TANC2: variants seen among roughly 807,000 people sequenced by gnomAD.
The protein encoded by TANC2 is tetratricopeptide repeat, ankyrin repeat and coiled-coil containing 2.
In TANC2, 26 loss-of-function variants were observed where a neutral mutation model predicts 210.5. The ratio of observed to expected loss-of-function variants is 0.12; its 90% CI spans 0.09 to 0.17. TANC2 has a LOEUF of 0.17. Among genes scored for constraint, TANC2 ranks in the 10% least tolerant of loss-of-function variants. The pLI, the probability that TANC2 is intolerant of heterozygous loss-of-function variation, is 1.00. For missense variants in TANC2, 2,129 were observed against 2,608.9 expected (o/e 0.82, Z 4.01); for synonymous variants, 931 against 967.1 (o/e 0.96, Z 0.69).
intron 5 of TANC2, chr17:63,153,609 T>G (rs1208577395): frequency 2.0e-5 from 3 of 151,894 alleles, no homozygotes; most frequent in Admixed American, 6.6e-5. Flanking sequence ...AGCTGCTGTT[T>G]GAGATTCTAT....
exon 6 of TANC2, chr17:63,194,022 A>C (rs773770753): frequency 6.2e-7 from 1 of 1,613,226 alleles, no homozygotes; most frequent in South Asian, 1.1e-5. Flanking sequence ...GCCCCCCTCC[A>C]TCTGTAGATG....
At chr17:63,312,538 C>T (rs965458248) in intron 9 of TANC2, among the ~76,000 whole-genome samples, 3 of 151,922 alleles carry the variant, frequency 2.0e-5, no homozygotes, top group East Asian at 1.9e-4. Context: ...GGCTCATTGA[C>T]GTAAAGATGG....
rs1402747266 is a variant in TANC2, at chr17:63,202,808, T to C, written c.769+1851T>C. Among the ~76,000 whole-genome samples the C allele has an allele frequency of 5.9e-5, 9 of 152,150 alleles. 1 individual carries two copies. The highest frequency in any genetic ancestry group is 1.9e-4 in the African/African-American group (8 of 41,422). ...CCATTTCATTGCAGCCATACTATTA[T>C]ATTTATATAAGTCCTTGAATATTAA... On this transcript the variant is annotated intron_variant, in intron 7 of 27. Coordinates refer to ENST00000689528, the Ensembl canonical transcript of TANC2.
chr17:62,976,910 A>C (rs973816424), intron 1 of TANC2, among the ~76,000 whole-genome samples: 3 of 152,138 alleles, frequency 2.0e-5, no homozygotes, highest in Non-Finnish European at 4.4e-5. Context: ...GCCTCTTTTA[A>C]AAAGTTCCAA....
intron 5 of TANC2, among the ~76,000 whole-genome samples, chr17:63,191,103 G>A (rs1182370440): frequency 6.6e-6 from 1 of 151,910 alleles, no homozygotes; most frequent in Non-Finnish European, 1.5e-5. Context: ...CAAGTGGGAA[G>A]TAGAAATGAA....
chr17:62,978,018 A>G (rs1420383989), intron 1 of TANC2, among the ~76,000 whole-genome samples: 1 of 152,168 alleles, frequency 6.6e-6, no homozygotes, highest in African/African-American at 2.4e-5. Flanking sequence ...CAGTTCAGTA[A>G]ATGGAACTCT....
chr17:63,275,991 T>C (rs561706072), intron 9 of TANC2, among the ~76,000 whole-genome samples: 1 of 152,298 alleles, frequency 6.6e-6, no homozygotes, highest in Admixed American at 6.5e-5. Context: ...ATTAATCTTA[T>C]TATTTTCCTC....
In TANC2 at chr17:63,092,025, G is replaced by A. The variant is rs1235506424; in HGVS notation, c.140-7150G>A. Among the ~76,000 whole-genome samples, 9 of 152,178 alleles carry A rather than the reference G, an allele frequency of 5.9e-5. No individual in the cohort carries two copies. The East Asian group carries it at 1.7e-3, about 29-fold the overall frequency. ...TTGGCTCTCTGTTTGTCTGTTATTG[G>A]TGTATAAGAACATATTACCCATTTT... On this transcript the variant is annotated intron_variant, in intron 3 of 27. Coordinates refer to ENST00000689528, the Ensembl canonical transcript of TANC2.
chr17:63,125,024 C>G (rs1287144407), intron 4 of TANC2: 1 of 152,186 alleles, frequency 6.6e-6, no homozygotes, highest in Non-Finnish European at 1.5e-5. Flanking sequence ...TGAAATGTTT[C>G]TCTTTCTCCA....
exon 28 of TANC2, chr17:63,422,041 A>C: frequency 6.8e-7 from 1 of 1,471,994 alleles, no homozygotes; most frequent in Non-Finnish European, 9.1e-7. Flanking sequence ...TCTCTGGCTT[A>C]ATTTCTCATG....
At chr17:63,107,190 A>G (rs1598408436) in intron 4 of TANC2, among the ~76,000 whole-genome samples, 1 of 151,802 alleles carries the variant, frequency 6.6e-6, no homozygotes, top group East Asian at 1.9e-4. Flanking sequence ...TTGTCACAAG[A>G]AAGTGATTTC....
At chr17:63,118,293 T>C (rs1015150562) in intron 4 of TANC2, among the ~76,000 whole-genome samples, 3 of 152,192 alleles carry the variant, frequency 2.0e-5, no homozygotes, top group African/African-American at 7.2e-5. Context: ...TTATGATATT[T>C]ATTGTCTTAT....
chr17:63,070,013 G>A (rs867735233), intron 2 of TANC2, among the ~76,000 whole-genome samples: 20 of 151,970 alleles, frequency 1.3e-4, no homozygotes, highest in Admixed American at 2.6e-4. Context: ...ATCATGAAGT[G>A]TTTATGTAAA....
chr17:63,359,321 A>T (rs912733458), intron 14 of TANC2, among the ~76,000 whole-genome samples: 16 of 150,074 alleles, frequency 1.1e-4, no homozygotes, highest in Non-Finnish European at 2.4e-4. Flanking sequence ...AAGTGCTGGG[A>T]TTACAGGGAT....
rs1426864075 is a variant in TANC2, at chr17:63,405,103, C to T, written c.3332-19C>T. ...AGGACCAGAACCACCTATCCTCAAT[C>T]TTTGTTCTCTGCCCTTAGCCCTAAC... is the stretch of plus-strand genomic sequence containing the variant. On this transcript the variant is annotated intron_variant, in intron 19 of 27. Coordinates refer to ENST00000689528, the Ensembl canonical transcript of TANC2. 2 of 1,599,792 alleles carry T rather than the reference C, an allele frequency of 1.3e-6. No homozygotes were observed. The highest frequency in any genetic ancestry group is 1.7e-6 in the Non-Finnish European group (2 of 1,168,666).
chr17:63,355,169 C>T, exon 14 of TANC2: 2 of 1,613,840 alleles, frequency 1.2e-6, no homozygotes, highest in Non-Finnish European at 1.7e-6. Context: ...TGGCAGTGGC[C>T]TCTCTCCACC....
At chr17:62,969,519 A>G (rs1442356493) in intron 1 of TANC2, among the ~76,000 whole-genome samples, 34 of 152,366 alleles carry the variant, frequency 2.2e-4, no homozygotes, top group Non-Finnish European at 2.9e-5. Context: ...TACAAAAGAT[A>G]CAGTTATTTG....
chr17:63,340,060 C>A, intron 11 of TANC2, 41 bp from the exon 12 acceptor site: 1 of 1,444,272 alleles, frequency 6.9e-7, no homozygotes, highest in Non-Finnish European at 9.7e-7. Context: ...ATTGCTCTTA[C>A]TACTGATAAG....
chr17:63,208,249 T>C (rs906372534), intron 7 of TANC2, among the ~76,000 whole-genome samples: 9 of 152,222 alleles, frequency 5.9e-5, no homozygotes, highest in Non-Finnish European at 1.0e-4. Flanking sequence ...TTTATGTTTT[T>C]CTATACAAAT....
Sources: gnomAD v4.1 joint callset for allele counts (sites outside exome capture counted in the v4.1 genomes callset) on GRCh38, gnomAD v4.1.1 for gene constraint, MANE v1.5 for transcripts, NCBI Gene and HGNC (gene_info 2026-07-23, HGNC 2026-07-21) for gene names.